Variants in HIP1 observed in about 807,000 individuals in gnomAD.
HIP1 encodes the protein huntingtin-interacting protein 1.
Under a neutral mutation model 147.6 loss-of-function variants are expected in HIP1, and 65 were observed. The ratio of observed to expected loss-of-function variants is 0.44; its 90% confidence interval spans 0.36 to 0.54. The LOEUF is 0.54. Among genes scored for constraint, HIP1 ranks in the 20% least tolerant of loss-of-function variants. The probability of loss-of-function intolerance (pLI) is 0.00; values close to 1 mark genes in which losing one functional copy is unlikely to be tolerated. For synonymous variants in HIP1, 479 were observed against 504.0 expected, an observed-to-expected ratio of 0.95 and a Z score of 0.67; for missense variants, 1,061 against 1,299.6, an observed-to-expected ratio of 0.82 and a Z score of 2.82.
rs1330202196 is a variant in HIP1 at position 75,595,231 on chromosome 7, T to TTCCTTCCTTCCTTC, written c.185-2718_185-2717insGAAGGAAGGAAGGA. Among the ~76,000 whole-genome samples the TTCCTTCCTTCCTTC allele has an allele frequency of 3.8e-5, 4 of 106,176 alleles. No homozygotes were observed. In the East Asian group the frequency reaches 7.7e-4, roughly 20 times the overall value. 69.7% of individuals were successfully genotyped at this position (106,176 alleles called of 152,430 possible). A position where few individuals can be genotyped will look rare whatever the true frequency, so the allele number is the denominator to read the frequency against. ...TTCTTTCTTTCTTTCTTTCTTTCTT[T>TTCCTTCCTTCCTTC]CTTTCTTTCTTTCTTTCTTTCTTCC... On this transcript the variant is annotated intron_variant, in intron 2 of 30. Transcript: ENST00000336926.
intron 1 of HIP1, among the ~76,000 whole-genome samples, chr7:75,662,112 C>T (rs1799339368): frequency 6.7e-6 from 1 of 148,622 alleles, no homozygotes. Context: ...GGGGGCGTAG[C>T]TGGCGATGTC....
intron 1 of HIP1, among the ~76,000 whole-genome samples, chr7:75,635,139 A>T (rs1470881193): frequency 1.3e-5 from 2 of 152,126 alleles, no homozygotes; most frequent in African/African-American, 2.4e-5. Flanking sequence ...CCTAAAAGGT[A>T]TCTGCACTTT....
intron 1 of HIP1, among the ~76,000 whole-genome samples, chr7:75,602,945 G>A (rs1584866404): frequency 6.6e-6 from 1 of 151,906 alleles, no homozygotes; most frequent in Non-Finnish European, 1.5e-5. Context: ...AAGATGTAGG[G>A]ATCCAGAGAC....
In HIP1 at chr7:75,581,608, A is replaced by G. The variant is rs184996033; in HGVS notation, c.543-310T>C. On this transcript the variant is annotated intron_variant, in intron 6 of 30. Coordinates refer to ENST00000336926, the MANE Select transcript of HIP1 (RefSeq NM_005338.7). Reference sequence around the variant, plus strand: ...AGCCTGGCCAACGCGGCGAAACCCCATCTCTACTAAAAATATAAAAATTAG... The same window carrying G: ...AGCCTGGCCAACGCGGCGAAACCCCGTCTCTACTAAAAATATAAAAATTAG... Among the ~76,000 whole-genome samples the G allele has an allele frequency of 4.4e-3, 671 of 152,216 alleles. 6 individuals carry two copies. The highest frequency in any genetic ancestry group is 4.8e-3 in the Non-Finnish European group (324 of 67,998).
chr7:75,671,207 C>T (rs782413937), intron 1 of HIP1, among the ~76,000 whole-genome samples: 3 of 152,138 alleles, frequency 2.0e-5, no homozygotes, highest in African/African-American at 4.8e-5. Flanking sequence ...GATTCTCCTG[C>T]CTCAGCCTCC....
intron 1 of HIP1, among the ~76,000 whole-genome samples, chr7:75,673,475 A>G (rs574634204): frequency 5.3e-4 from 80 of 152,238 alleles, no homozygotes; most frequent in African/African-American, 1.9e-3. Flanking sequence ...AAGTCTTGCC[A>G]TATTAACAAT....
chr7:75,593,480 A>AT lies in HIP1; in HGVS notation c.185-967dup, dbSNP rs1796573036. ...ACTCCATCTCTACTAAAAATACAAA[A>AT]TTAGCTGGGCGTGGCGGTGGGCGCC... On this transcript the variant is annotated intron_variant, in intron 2 of 30. Transcript: ENST00000336926. 2.6e-5 allele frequency among the ~76,000 whole-genome samples: 4 copies of AT among 152,044 alleles called. No homozygotes were observed. In the South Asian group the frequency reaches 8.3e-4, roughly 32 times the overall value.
At chr7:75,639,576 TGTGTGTGTGTGTGTGTGCGCCCGC>T (rs1166501669) in intron 1 of HIP1, among the ~76,000 whole-genome samples, 7 of 149,022 alleles carry the variant, frequency 4.7e-5, no homozygotes, top group South Asian at 4.3e-4. Context: ...TGTGTGTGTG[TGTGTGTGTGTGTGTGTGCGCCCGC>T]GTGTGTGTGC....
intron 29 of HIP1, among the ~76,000 whole-genome samples, 198 bp from the exon 30 acceptor site, chr7:75,539,629 C>A (rs1554489473): frequency 6.6e-6 from 1 of 152,124 alleles, no homozygotes; most frequent in East Asian, 1.9e-4. Flanking sequence ...CTACATCTAT[C>A]TTATTTTGAT....
chr7:75,538,869 C>T (rs934106925), intron 30 of HIP1, among the ~76,000 whole-genome samples: 3 of 152,096 alleles, frequency 2.0e-5, no homozygotes, highest in South Asian at 2.1e-4. Flanking sequence ...CCACCACGCC[C>T]GGCCTAGCAC....
At chr7:75,629,553 T>C (rs1467773549) in intron 1 of HIP1, among the ~76,000 whole-genome samples, 1 of 152,062 alleles carries the variant, frequency 6.6e-6, no homozygotes, top group African/African-American at 2.4e-5. Flanking sequence ...TTTCTTTTTT[T>C]TTTTTTTGAG....
intron 1 of HIP1, among the ~76,000 whole-genome samples, chr7:75,721,528 CAAA>C (rs147571067): frequency 8.3e-6 from 1 of 120,400 alleles, no homozygotes; most frequent in African/African-American, 3.1e-5. Context: ...GACCCTGTCT[CAAA>C]AAAAAAAAAA....
chr7:75,538,323 T>C, intron 30 of HIP1, 99 bp from the exon 31 acceptor site: 1 of 881,232 alleles, frequency 1.1e-6, no homozygotes. Flanking sequence ...AAATACATTA[T>C]AATTATAACC....
chr7:75,581,341 G>T lies in HIP1; in HGVS notation c.543-43C>A, dbSNP rs587734056. On this transcript the variant is annotated intron_variant, in intron 6 of 30. Transcript: ENST00000336926. Reference sequence around the variant, plus strand: ...GAGAGCTTACACTCCACAGCCTGAGGCCGGTCTGTTACCTGTCCCCTCCCC... The same window carrying T: ...GAGAGCTTACACTCCACAGCCTGAGTCCGGTCTGTTACCTGTCCCCTCCCC... 69 of 1,521,118 alleles carry T rather than the reference G, an allele frequency of 4.5e-5. No individual in the cohort carries two copies. In the South Asian group the frequency reaches 6.4e-4, roughly 14 times the overall value. 94.2% of individuals were successfully genotyped at this position (1,521,118 alleles called of 1,614,324 possible). A position where few individuals can be genotyped will look rare whatever the true frequency, so the allele number is the denominator to read the frequency against.
intron 1 of HIP1, among the ~76,000 whole-genome samples, chr7:75,665,808 T>C (rs1279013338): frequency 6.6e-6 from 1 of 152,160 alleles, no homozygotes; most frequent in African/African-American, 2.4e-5. Flanking sequence ...CCCAAAGTGC[T>C]GGGATTACAG....
At chr7:75,563,287 G>A in intron 9 of HIP1, 24 bp from the exon 10 acceptor site, 3 of 1,609,614 alleles carry the variant, frequency 1.9e-6, no homozygotes, top group Non-Finnish European at 2.6e-6. Context: ...AGGACCTGAG[G>A]GGTGCTGGGT....
chr7:75,721,330 C>T (rs909431568), intron 1 of HIP1, among the ~76,000 whole-genome samples: 14 of 151,682 alleles, frequency 9.2e-5, no homozygotes, highest in African/African-American at 3.1e-4. Flanking sequence ...GCCGAGATTG[C>T]ACCACTGCAC....
Position 75,568,806 on chromosome 7 carries a change from C to T in HIP1, c.746-550G>A, listed in dbSNP as rs782800682. Among the ~76,000 whole-genome samples the T allele has an allele frequency of 5.3e-5, 8 of 151,738 alleles. No individual in the cohort carries two copies. Among genetic ancestry groups the T allele is most frequent in the Non-Finnish European group, 7.4e-5 (5 of 67,894 alleles). On this transcript the variant is annotated intron_variant, in intron 8 of 30. Coordinates refer to ENST00000336926, the MANE Select transcript of HIP1 (RefSeq NM_005338.7). The surrounding 1 kb of genome is among the most constrained non-coding windows in gnomAD (Gnocchi z 4.1). ...GGAGAATCACTTGAGGTCAGGAGTT[C>T]GAGACCAGCCTGACCAATATGGTGA...
chr7:75,599,280 A>G (rs781786879), intron 1 of HIP1, 33 bp from the exon 2 acceptor site: 25 of 1,534,726 alleles, frequency 1.6e-5, no homozygotes, highest in Non-Finnish European at 2.2e-5. Flanking sequence ...GGAAAGGAGG[A>G]TGAGATGAAT....
Sources: allele counts gnomAD v4.1 joint callset (sites outside exome capture counted in the v4.1 genomes callset), GRCh38; gene constraint gnomAD v4.1.1; non-coding constraint Gnocchi (gnomAD v3.1); transcripts MANE v1.5; gene names NCBI Gene and HGNC (gene_info 2026-07-23, HGNC 2026-07-21).